Variants in ZER1 observed in about 807,000 individuals in gnomAD.
ZER1 encodes protein zer-1 homolog.
In ZER1, 11 loss-of-function variants were observed where a neutral mutation model predicts 78.8. The observed-to-expected ratio is 0.14, with a 90% CI of 0.09 to 0.23. The LOEUF (loss-of-function observed/expected upper bound fraction) is 0.23. ZER1 is among the 10% of genes least tolerant of loss of function. The pLI is 1.00. For missense variants in ZER1, 588 were observed against 996.9 expected (o/e 0.59, Z 5.52); for synonymous variants, 400 against 407.0 (o/e 0.98, Z 0.21).
At position 128,731,208 on chromosome 9, in the gene ZER1, G is replaced by T; in HGVS notation, c.*129C>A. ...AACATTAAGGAAAAGCGTCGGTTGT[G>T]CAAAAGTCCCCCATGTCTCTTCACT... On this transcript the variant is annotated 3_prime_UTR_variant, in exon 16 of 16. Coordinates refer to ENST00000291900, the MANE Select transcript of ZER1 (RefSeq NM_006336.4). 3.2e-6 allele frequency: 2 copies of T among 626,266 alleles called. No individual in the cohort carries two copies. Among genetic ancestry groups the T allele is most frequent in the Non-Finnish European group, 5.4e-6 (2 of 372,122 alleles). The allele number at this position is 626,266 out of a possible 1,614,324, so 38.8% of individuals were successfully genotyped here.
intron 1 of ZER1, among the ~76,000 whole-genome samples, chr9:128,766,644 G>C (rs954755457): frequency 6.6e-6 from 1 of 151,658 alleles, no homozygotes; most frequent in South Asian, 2.1e-4. Flanking sequence ...TCAGGAGTTC[G>C]AGCCCAGCCT....
rs1863837281 is a variant in ZER1 at position 128,755,734 on chromosome 9, G to C, written c.-94-75C>G. 5 of 857,144 alleles carry C rather than the reference G, an allele frequency of 5.8e-6. No homozygotes were observed. In the African/African-American group the frequency reaches 8.5e-5, roughly 15 times the overall value. The allele number at this position is 857,144 out of a possible 1,614,324, so 53.1% of individuals were successfully genotyped here. A position where few individuals can be genotyped will look rare whatever the true frequency, so the allele number is the denominator to read the frequency against. On this transcript the variant is annotated intron_variant, in intron 1 of 15. Coordinates refer to ENST00000291900, the MANE Select transcript of ZER1 (RefSeq NM_006336.4). The surrounding 1 kb of genome is among the most constrained non-coding windows in gnomAD (Gnocchi z 5.6). ...ATCAGTGGTCCCATGTCCACGCTCT[G>C]AGTAGGGAAACTGAGACCACACTCC...
intron 14 of ZER1, among the ~76,000 whole-genome samples, chr9:128,734,139 A>AT (rs1470132120): frequency 6.2e-5 from 3 of 48,176 alleles, no homozygotes; most frequent in African/African-American, 1.4e-4. Context: ...AAAAAAAAAA[A>AT]AAAAAATATA....
Position 128,754,050 on chromosome 9 carries a change from T to C in ZER1, c.159-91A>G. On this transcript the variant is annotated intron_variant, in intron 2 of 15. Transcript: ENST00000291900. This position sits in a 1 kb window ranked among gnomAD's most constrained non-coding sequence, Gnocchi z 4.3. ...AGCCCTCCTCCCCCTGAAGCTTTCT[T>C]GGATCACCCCAAGTAGCAACCTCCT... 1 of 1,477,644 alleles carries C rather than the reference T, an allele frequency of 6.8e-7. No homozygotes were observed. The highest frequency in any genetic ancestry group is 9.1e-7 in the Non-Finnish European group (1 of 1,098,202). The allele number at this position is 1,477,644 out of a possible 1,614,324, so 91.5% of individuals were successfully genotyped here. A position where few individuals can be genotyped will look rare whatever the true frequency, so the allele number is the denominator to read the frequency against.
At chr9:128,734,323 A>T (rs1469448266) in intron 14 of ZER1, among the ~76,000 whole-genome samples, 1 of 147,678 alleles carries the variant, frequency 6.8e-6, no homozygotes, top group Non-Finnish European at 1.5e-5. Flanking sequence ...CAGCCTCCCT[A>T]GTAGCTGGGA....
At chr9:128,743,098 A>G (rs1863358949) in intron 8 of ZER1, among the ~76,000 whole-genome samples, 3 of 151,460 alleles carry the variant, frequency 2.0e-5, no homozygotes, top group South Asian at 4.2e-4. Flanking sequence ...GAACCACTAC[A>G]ATATCTCTGC....
chr9:128,740,162 T>A lies in ZER1; in HGVS notation c.1854-43A>T. 1 of 1,530,020 alleles carries A rather than the reference T, an allele frequency of 6.5e-7. No individual in the cohort carries two copies. Among genetic ancestry groups the A allele is most frequent in the Non-Finnish European group, 8.8e-7 (1 of 1,130,826 alleles). The allele number at this position is 1,530,020 out of a possible 1,614,324, so 94.8% of individuals were successfully genotyped here. On this transcript the variant is annotated intron_variant, in intron 12 of 15. Transcript: ENST00000291900. This position sits in a 1 kb window ranked among gnomAD's most constrained non-coding sequence, Gnocchi z 4.4. ...GAAAAATGGAGTCCCACTCCCCCAG[T>A]TTCTCTTCAGATACCAGCGGCAGGA... is the stretch of plus-strand genomic sequence containing the variant.
Position 128,753,242 on chromosome 9 carries a change from C to T in ZER1, c.668G>A (p.Ser223Asn), listed in dbSNP as rs1245279589. The change falls in exon 4 of 16, where the codon AGC (serine) becomes AAC (asparagine). Residue 223 changes from serine (S) to asparagine (N), a missense_variant. Physicochemically the swap from Ser to Asn is conservative, Grantham distance 46. Around this residue, in one of 3 missense-constraint regions of ZER1, gnomAD observed 406 missense variants for 660.1 expected, o/e 0.62. Coordinates refer to ENST00000291900, the MANE Select transcript of ZER1 (RefSeq NM_006336.4). This position sits in a 1 kb window ranked among gnomAD's most constrained non-coding sequence, Gnocchi z 7.5. ...DAAFLTQWKD[S>N]LVSLVLYNMD... ...GTTGTAGAGGACGAGGGACACCAGG[C>T]TGTCTTTCCACTGGGTGAGGAAGGC... 1 of 1,594,534 alleles carries T rather than the reference C, an allele frequency of 6.3e-7. No homozygotes were observed. Among genetic ancestry groups the T allele is most frequent in the Non-Finnish European group, 8.5e-7 (1 of 1,170,608 alleles).
intron 8 of ZER1, among the ~76,000 whole-genome samples, chr9:128,746,574 C>T (rs968648430): frequency 6.6e-6 from 1 of 151,538 alleles, no homozygotes; most frequent in African/African-American, 2.4e-5. Flanking sequence ...AGCAATCATC[C>T]CACCTCGGCC....
chr9:128,750,824 T>G (rs1318509955), intron 7 of ZER1, 35 bp from the exon 8 acceptor site: 1 of 1,612,768 alleles, frequency 6.2e-7, no homozygotes, highest in Non-Finnish European at 8.5e-7. Flanking sequence ...GGCTGGCAAG[T>G]GCAGGGAGAG....
Position 128,755,548 on chromosome 9 carries a change from G to A in ZER1, c.18C>T (p.Pro6=), listed in dbSNP as rs373669385. 1.9e-5 allele frequency: 31 copies of A among 1,613,330 alleles called. No homozygotes were observed. The highest frequency in any genetic ancestry group is 1.7e-4 in the African/African-American group (13 of 74,996). Residue 6 remains proline (P), a synonymous_variant, in exon 2 of 16, where the codon CCC becomes CCT. Transcript: ENST00000291900. The surrounding 1 kb of genome is among the most constrained non-coding windows in gnomAD (Gnocchi z 5.6). MASDT[P]ESLMALCTDF... ...CAGTACAGAGGGCCATCAGCGACTC[G>A]GGAGTGTCGGACGCCATGCTGGGGG...
At position 128,732,696 on chromosome 9, in the gene ZER1, A is replaced by C. The variant is rs763259773; in HGVS notation, c.2243+730T>G. 2 of 152,210 alleles carry C rather than the reference A, an allele frequency of 1.3e-5. No individual in the cohort carries two copies. Among genetic ancestry groups the C allele is most frequent in the Admixed American group, 6.5e-5 (1 of 15,270 alleles). 9.4% of individuals were successfully genotyped at this position (152,210 alleles called of 1,614,324 possible). A position where few individuals can be genotyped will look rare whatever the true frequency, so the allele number is the denominator to read the frequency against. ...CGCCTTTGGCCAGATATAATAGCAG[A>C]ACCAGCTGACACTTCCCTCCCCTGG... On this transcript the variant is annotated intron_variant, in intron 15 of 15. Coordinates refer to ENST00000291900, the MANE Select transcript of ZER1 (RefSeq NM_006336.4). The surrounding 1 kb of genome is among the most constrained non-coding windows in gnomAD (Gnocchi z 4.8).
Position 128,754,551 on chromosome 9 carries a change from C to T in ZER1, c.159-592G>A, listed in dbSNP as rs1863794956. ...TCTGTAAAGTGGATATAACTATGGC[C>T]TGCAAAGTGTCCAACCTAAAGCCTG... On this transcript the variant is annotated intron_variant, in intron 2 of 15. Transcript: ENST00000291900. This position sits in a 1 kb window ranked among gnomAD's most constrained non-coding sequence, Gnocchi z 4.3. 6.6e-6 allele frequency among the ~76,000 whole-genome samples: 1 copy of T among 152,170 alleles called. No individual in the cohort carries two copies. Among genetic ancestry groups the T allele is most frequent in the African/African-American group, 2.4e-5 (1 of 41,448 alleles).
chr9:128,746,447 CTCT>C (rs1863493334), intron 8 of ZER1, among the ~76,000 whole-genome samples: 1 of 148,600 alleles, frequency 6.7e-6, no homozygotes, highest in Non-Finnish European at 1.5e-5. Context: ...TTCTTTTTCT[CTCT>C]TCTTTTCCTT....
chr9:128,742,435 GC>G, intron 9 of ZER1, 94 bp downstream of exon 9: 1 of 1,447,964 alleles, frequency 6.9e-7, no homozygotes, highest in Non-Finnish European at 9.6e-7. Flanking sequence ...CCGACTCCCA[GC>G]CCCAGGCCCT....
chr9:128,735,552 C>T, intron 13 of ZER1, 121 bp from the exon 14 acceptor site: 2 of 975,102 alleles, frequency 2.1e-6, no homozygotes, highest in Non-Finnish European at 3.0e-6. Flanking sequence ...TGGCAGGATG[C>T]CAGGGAGAAG....
rs776662001 is a variant in ZER1 at position 128,733,546 on chromosome 9, ACAG to A, written c.2141-21_2141-19del. ...CTTGTCCGCTGTGGGATAGGAGCAG[ACAG>A]CAGAGGATCAGGATGGGTCTTCTTA... is the stretch of plus-strand genomic sequence containing the variant. On this transcript the variant is annotated intron_variant, in intron 14 of 15. Transcript: ENST00000291900. 12 of 1,608,076 alleles carry A rather than the reference ACAG, an allele frequency of 7.5e-6. No individual in the cohort carries two copies. In the East Asian group the frequency reaches 2.5e-4, roughly 33 times the overall value.
chr9:128,753,738 G>A lies in ZER1; in HGVS notation c.309+71C>T. ...CACACTGGCTGGGCTGGGGATGGCT[G>A]GGCTGGAGGCGAGCAGCCTGGCCCC... On this transcript the variant is annotated intron_variant, in intron 3 of 15. Coordinates refer to ENST00000291900, the MANE Select transcript of ZER1 (RefSeq NM_006336.4). This position sits in a 1 kb window ranked among gnomAD's most constrained non-coding sequence, Gnocchi z 7.5. The A allele has an allele frequency of 6.4e-7, 1 of 1,565,304 alleles. No homozygotes were observed. Among genetic ancestry groups the A allele is most frequent in the Non-Finnish European group, 8.7e-7 (1 of 1,155,226 alleles).
chr9:128,753,156 G>C lies in ZER1; in HGVS notation c.746+8C>G. On this transcript the variant is annotated splice_region_variant and intron_variant, in intron 4 of 15. Coordinates refer to ENST00000291900, the MANE Select transcript of ZER1 (RefSeq NM_006336.4). The surrounding 1 kb of genome is among the most constrained non-coding windows in gnomAD (Gnocchi z 7.5). ...CCCACCCTGGTGAGCTCTGGGCCAG[G>C]AGCTCACCGCAGCTTGTGCAGCTGC... is the stretch of plus-strand genomic sequence containing the variant. The C allele has an allele frequency of 6.6e-7, 1 of 1,526,334 alleles. No homozygotes were observed. The highest frequency in any genetic ancestry group is 8.8e-7 in the Non-Finnish European group (1 of 1,134,100). 94.5% of individuals were successfully genotyped at this position (1,526,334 alleles called of 1,614,324 possible). A position where few individuals can be genotyped will look rare whatever the true frequency, so the allele number is the denominator to read the frequency against.
Sources: allele counts gnomAD v4.1 joint callset (sites outside exome capture counted in the v4.1 genomes callset), GRCh38; gene constraint gnomAD v4.1.1; regional missense constraint gnomAD v4.1.1; non-coding constraint Gnocchi (gnomAD v3.1); transcripts MANE v1.5; gene names NCBI Gene and HGNC (gene_info 2026-07-23, HGNC 2026-07-21).